Variants in CGAS observed in about 807,000 individuals in gnomAD.
The protein encoded by CGAS is cyclic GMP-AMP synthase.
CGAS carries 31 observed loss-of-function variants against 34.0 expected under a neutral mutation model. The observed-to-expected ratio is 0.91, with a 90% CI of 0.69 to 1.23. CGAS has a LOEUF of 1.23. CGAS is among the 50% of genes most tolerant of loss of function. The probability of loss-of-function intolerance (pLI) is 0.00; values close to 1 mark genes in which losing one functional copy is unlikely to be tolerated. For missense variants in CGAS, 597 were observed against 657.6 expected (o/e 0.91, Z 1.01); for synonymous variants, 266 against 260.0 (o/e 1.02, Z -0.22).
chr6:73,434,564 T>C lies in CGAS; in HGVS notation c.1114+5645A>G, dbSNP rs548783773. Among the ~76,000 whole-genome samples, 8 of 152,174 alleles carry C rather than the reference T, an allele frequency of 5.3e-5. No individual in the cohort carries two copies. In the East Asian group the frequency reaches 1.5e-3, roughly 29 times the overall value. The stretch of plus-strand genomic sequence containing the variant: ...CAGTCAAGAGTAGCTTAAGGAGACA[T>C]GACAACTAAATGCAATATGGTATCC... On this transcript the variant is annotated intron_variant, in intron 3 of 4. Transcript: ENST00000370315.
Position 73,428,763 on chromosome 6 carries a change from T to C in CGAS, c.1163A>G (p.Asn388Ser). 1 of 1,613,924 alleles carries C rather than the reference T, an allele frequency of 6.2e-7. No homozygotes were observed. The highest frequency in any genetic ancestry group is 2.2e-5 in the East Asian group (1 of 44,884). ...GCACGTTTTAGATTTTCCATGATTG[T>C]TCAAAATTTCCTTTTCGATGTGAGA... Reference protein sequence around the residue: ...SFSHIEKEILNNHGKSKTCCE... With the variant: ...SFSHIEKEILSNHGKSKTCCE... The change falls in exon 4 of 5, where the codon AAC becomes AGC. Residue 388 changes from asparagine (N) to serine (S), a missense_variant. Asn to Ser is a conservative substitution (Grantham distance 46). Around this residue, in one of 3 missense-constraint regions of CGAS, gnomAD observed 271 missense variants for 324.1 expected, o/e 0.84. Coordinates refer to ENST00000370315, the MANE Select transcript of CGAS (RefSeq NM_138441.3).
At chr6:73,449,099 G>A (rs1021467183) in intron 1 of CGAS, among the ~76,000 whole-genome samples, 45 of 150,902 alleles carry the variant, frequency 3.0e-4, no homozygotes, top group African/African-American at 8.0e-4. Flanking sequence ...CAAAAAAAAA[G>A]AAAAAAGAAA....
rs1017052042 is a variant in CGAS at position 73,423,914 on chromosome 6, T to C, written c.*1313A>G. ...ACGAATGAAAGATAAATACCCCAAATATATTAAGAACTTCCCAAAACAATG... is the reference window on the plus strand; with the variant it reads ...ACGAATGAAAGATAAATACCCCAAACATATTAAGAACTTCCCAAAACAATG... On this transcript the variant is annotated 3_prime_UTR_variant, in exon 5 of 5. Transcript: ENST00000370315. 2.0e-5 allele frequency: 3 copies of C among 152,054 alleles called. No individual in the cohort carries two copies. The highest frequency in any genetic ancestry group is 4.4e-5 in the Non-Finnish European group (3 of 68,020). The allele number at this position is 152,054 out of a possible 1,614,324, so 9.4% of individuals were successfully genotyped here.
At chr6:73,447,804 T>G (rs1020435686) in intron 1 of CGAS, among the ~76,000 whole-genome samples, 3 of 152,212 alleles carry the variant, frequency 2.0e-5, no homozygotes, top group Admixed American at 6.5e-5. Context: ...TTTTTAATCT[T>G]GTTAGTATAT....
At chr6:73,444,971 A>G (rs1770445287) in intron 2 of CGAS, among the ~76,000 whole-genome samples, 1 of 152,164 alleles carries the variant, frequency 6.6e-6, no homozygotes, top group Non-Finnish European at 1.5e-5. Context: ...GAGGCAAAAC[A>G]TAGTTTGGTA....
At chr6:73,428,861 A>G in intron 3 of CGAS, 50 bp from the exon 4 acceptor site, 2 of 1,474,490 alleles carry the variant, frequency 1.4e-6, no homozygotes, top group Non-Finnish European at 1.9e-6. Context: ...AAGCATCCAT[A>G]TCTAAACAAT....
At position 73,451,749 on chromosome 6, in the gene CGAS, C is replaced by G. The variant is rs373045600; in HGVS notation, c.433G>C (p.Gly145Arg). ...PPGPWDVPSP[G>R]LPVSAPILVR... is the part of the protein sequence containing the mutation. ...AGAATGGGGGCCGAGACCGGCAGGC[C>G]GGGGCTGGGCACGTCCCAGGGCCCG... is the stretch of plus-strand genomic sequence containing the variant. Residue 145 changes from glycine to arginine, a missense_variant, in exon 1 of 5, where the codon GGC (glycine) becomes CGC (arginine). Physicochemically the swap from Gly to Arg is moderately radical, Grantham distance 125 (BLOSUM62 -2). Around this residue, in one of 3 missense-constraint regions of CGAS, gnomAD observed 321 missense variants for 314.3 expected, o/e 1.02. Coordinates refer to ENST00000370315, the MANE Select transcript of CGAS (RefSeq NM_138441.3). 2.5e-6 allele frequency: 4 copies of G among 1,610,006 alleles called. No homozygotes were observed. In the Admixed American group the frequency reaches 6.7e-5, roughly 27 times the overall value.
At chr6:73,435,675 A>G (rs1770269558) in intron 3 of CGAS, among the ~76,000 whole-genome samples, 1 of 151,912 alleles carries the variant, frequency 6.6e-6, no homozygotes, top group Admixed American at 6.6e-5. Flanking sequence ...ATGATGGCTC[A>G]TGCCTATAAT....
At chr6:73,450,426 A>G (rs189704882) in intron 1 of CGAS, among the ~76,000 whole-genome samples, 46 of 151,968 alleles carry the variant, frequency 3.0e-4, no homozygotes, top group African/African-American at 7.5e-4. Context: ...AAAAAAAAAA[A>G]AAAGAAAGAA....
chr6:73,438,168 G>A (rs1770309307), intron 3 of CGAS, among the ~76,000 whole-genome samples: 1 of 152,192 alleles, frequency 6.6e-6, no homozygotes, highest in African/African-American at 2.4e-5. Context: ...TTTAGAGAAA[G>A]AAAAGATATA....
chr6:73,429,684 G>C (rs1426804050), intron 3 of CGAS, among the ~76,000 whole-genome samples: 1 of 152,062 alleles, frequency 6.6e-6, no homozygotes, highest in Non-Finnish European at 1.5e-5. Flanking sequence ...AAATTAGCCG[G>C]GCGTGGTGGC....
intron 3 of CGAS, among the ~76,000 whole-genome samples, chr6:73,429,836 A>G (rs996127622): frequency 4.2e-4 from 64 of 152,046 alleles, no homozygotes; most frequent in African/African-American, 1.5e-3. Context: ...AAAAAAAAAA[A>G]ATTTCTCCCC....
Position 73,449,825 on chromosome 6 carries a change from T to C in CGAS, c.657+1700A>G, listed in dbSNP as rs1310515334. ...GCCTGGCCAACATGGTGAAACCCCG[T>C]CTCTACTAAAAATACATAAATTAGC... On this transcript the variant is annotated intron_variant, in intron 1 of 4. Coordinates refer to ENST00000370315, the MANE Select transcript of CGAS (RefSeq NM_138441.3). 2.0e-5 allele frequency among the ~76,000 whole-genome samples: 3 copies of C among 151,470 alleles called. 1 individual carries two copies. The highest frequency in any genetic ancestry group is 4.2e-4 in the South Asian group (2 of 4,802).
intron 3 of CGAS, among the ~76,000 whole-genome samples, chr6:73,438,047 C>T (rs532045007): frequency 3.3e-5 from 5 of 151,928 alleles, no homozygotes; most frequent in Admixed American, 6.6e-5. Context: ...CCAGCCTGGG[C>T]GACACAGCGA....
intron 2 of CGAS, among the ~76,000 whole-genome samples, chr6:73,441,270 T>C (rs148062741): frequency 6.6e-6 from 1 of 151,628 alleles, no homozygotes; most frequent in Non-Finnish European, 1.5e-5. Context: ...TCATTACAAA[T>C]TATAGATGGC....
chr6:73,431,761 A>T (rs1770198353), intron 3 of CGAS, among the ~76,000 whole-genome samples: 1 of 152,192 alleles, frequency 6.6e-6, no homozygotes, highest in Non-Finnish European at 1.5e-5. Flanking sequence ...CCAAACATAC[A>T]AAAAAAGTAT....
rs1770567300 is a variant in CGAS at position 73,451,641 on chromosome 6, T to TG, written c.540dup (p.Thr181HisfsTer36). ...ACCCCTTTCACCATCCCCGCCGCCG[T>TG]GGAGATATCATCGCGGCTGAGCTTC... On this transcript the variant is annotated frameshift_variant, in exon 1 of 5. Coordinates refer to ENST00000370315, the MANE Select transcript of CGAS (RefSeq NM_138441.3). LOFTEE classifies it high-confidence loss of function. The TG allele has an allele frequency of 6.2e-7, 1 of 1,614,086 alleles. No individual in the cohort carries two copies. Among genetic ancestry groups the TG allele is most frequent in the African/African-American group, 1.3e-5 (1 of 75,052 alleles).
chr6:73,451,836 A>G lies in CGAS; in HGVS notation c.346T>C (p.Ser116Pro). 6.4e-7 allele frequency: 1 copy of G among 1,552,286 alleles called. No individual in the cohort carries two copies. The part of the protein sequence containing the change: ...EPPAAREPAL[S>P]RAGSCRQRGA... ...CTCTGGCGGCAAGAACCAGCCCTGG[A>G]AAGAGCCGGCTCCCGAGCCGCAGGA... Residue 116 changes from serine (S) to proline (P), a missense_variant, in exon 1 of 5, where the codon TCC (serine) becomes CCC (proline). Around this residue, in one of 3 missense-constraint regions of CGAS, gnomAD observed 321 missense variants for 314.3 expected, o/e 1.02. Coordinates refer to ENST00000370315, the MANE Select transcript of CGAS (RefSeq NM_138441.3).
chr6:73,424,170 C>T lies in CGAS; in HGVS notation c.*1057G>A, dbSNP rs1026089945. The T allele has an allele frequency of 7.2e-5, 11 of 152,158 alleles. No individual in the cohort carries two copies. Among genetic ancestry groups the T allele is most frequent in the Admixed American group, 6.6e-4 (10 of 15,258 alleles). 9.4% of individuals were successfully genotyped at this position (152,158 alleles called of 1,614,324 possible). Reference sequence around the variant, plus strand: ...TGTATTTCAGCCAGGCGTGGTGGCTCACACCTGTAATCCCAGCACTTTGGG... The same window carrying T: ...TGTATTTCAGCCAGGCGTGGTGGCTTACACCTGTAATCCCAGCACTTTGGG... On this transcript the variant is annotated 3_prime_UTR_variant, in exon 5 of 5. Transcript: ENST00000370315.
Sources: gnomAD v4.1 joint callset for allele counts (sites outside exome capture counted in the v4.1 genomes callset) on GRCh38, gnomAD v4.1.1 for gene constraint, gnomAD v4.1.1 regional missense constraint, MANE v1.5 for transcripts, NCBI Gene and HGNC (gene_info 2026-07-23, HGNC 2026-07-21) for gene names.